TUBAL3: variants seen among roughly 807,000 people sequenced by gnomAD.
The protein encoded by TUBAL3 is tubulin alpha like 3.
Under a neutral mutation model 15.5 loss-of-function variants are expected in TUBAL3, and 16 were observed. The observed-to-expected ratio is 1.04, with a 90% CI of 0.70 to 1.57. The LOEUF (loss-of-function observed/expected upper bound fraction) is 1.57. TUBAL3 is among the 40% of genes most tolerant of loss of function. The pLI is 0.00. For missense variants in TUBAL3, 609 were observed against 576.2 expected (o/e 1.06, Z -0.58); for synonymous variants, 238 against 224.3 (o/e 1.06, Z -0.55).
In TUBAL3 at chr10:5,395,331, T is replaced by G. The variant is rs782191639; in HGVS notation, c.392A>C (p.Lys131Thr). ...AGGAGAGGGGGAGCCACTTGCCAGC[T>G]TCCGGGTCCTCTCCAGCACAAGGTC... ...VIDLVLERTR[K>T]LAEQCGGLQG... Residue 131 changes from lysine (K) to threonine (T), a missense_variant, in exon 3 of 4, where the codon AAG becomes ACG. Lys to Thr is a moderately conservative substitution (Grantham distance 78). Coordinates refer to ENST00000380419, the MANE Select transcript of TUBAL3 (RefSeq NM_024803.3). The surrounding 1 kb of genome is among the most constrained non-coding windows in gnomAD (Gnocchi z 4.6). The G allele has an allele frequency of 1.9e-6, 3 of 1,548,062 alleles. No homozygotes were observed. In the South Asian group the frequency reaches 3.6e-5, roughly 19 times the overall value.
chr10:5,395,439 T>A lies in TUBAL3; in HGVS notation c.284A>T (p.His95Leu). Residue 95 changes from histidine to leucine, a missense_variant, in exon 3 of 4, where the codon CAC becomes CTC. His to Leu is a moderately conservative substitution (Grantham distance 99). Coordinates refer to ENST00000380419, the MANE Select transcript of TUBAL3 (RefSeq NM_024803.3). The surrounding 1 kb of genome is among the most constrained non-coding windows in gnomAD (Gnocchi z 4.6). ...CTTTCCGCTAAGGAGCTGCTCGGGGTGGAAGAGTGAACGGTGCTGGCCCGT... is the reference window on the plus strand; with the variant it reads ...CTTTCCGCTAAGGAGCTGCTCGGGGAGGAAGAGTGAACGGTGCTGGCCCGT... ...IRTGQHRSLF[H>L]PEQLLSGKED... 6.3e-7 allele frequency: 1 copy of A among 1,599,344 alleles called. No individual in the cohort carries two copies. The highest frequency in any genetic ancestry group is 8.5e-7 in the Non-Finnish European group (1 of 1,171,114).
chr10:5,395,283 T>C lies in TUBAL3; in HGVS notation c.396+44A>G. The C allele has an allele frequency of 7.0e-7, 1 of 1,421,250 alleles. No individual in the cohort carries two copies. The highest frequency in any genetic ancestry group is 2.6e-5 in the Admixed American group (1 of 39,156). The allele number at this position is 1,421,250 out of a possible 1,614,324, so 88.0% of individuals were successfully genotyped here. ...GTGAGTTCTGCCGCAGGACCCCACA[T>C]GCCCCAGGCACAGCCCACTCGGAGG... On this transcript the variant is annotated intron_variant, in intron 3 of 3. Transcript: ENST00000380419. This position sits in a 1 kb window ranked among gnomAD's most constrained non-coding sequence, Gnocchi z 4.6.
In TUBAL3 at chr10:5,394,044, T is replaced by C. The variant is rs1398135188; in HGVS notation, c.814A>G (p.Ile272Val). Residue 272 changes from isoleucine to valine, a missense_variant, in exon 4 of 4, where the codon ATA (isoleucine) becomes GTA (valine). Transcript: ENST00000380419. The surrounding 1 kb of genome is among the most constrained non-coding windows in gnomAD (Gnocchi z 4.3). ...FQTNLVPYPR[I>V]HFPMTAFAPI... Reference sequence around the variant, plus strand: ...GCGAAGGCTGTCATGGGGAAATGTATTCTCGGATAAGGTACCAGGTTGGTC... The same window carrying C: ...GCGAAGGCTGTCATGGGGAAATGTACTCTCGGATAAGGTACCAGGTTGGTC... 6.2e-7 allele frequency: 1 copy of C among 1,614,050 alleles called. No homozygotes were observed. Among genetic ancestry groups the C allele is most frequent in the Non-Finnish European group, 8.5e-7 (1 of 1,180,030 alleles).
At position 5,395,333 on chromosome 10, in the gene TUBAL3, C is replaced by T. The variant is rs781961200; in HGVS notation, c.390G>A (p.Arg130=). The change falls in exon 3 of 4, where the codon CGG becomes CGA. Residue 130 remains arginine (R), a synonymous_variant. Transcript: ENST00000380419. This position sits in a 1 kb window ranked among gnomAD's most constrained non-coding sequence, Gnocchi z 4.6. ...EVIDLVLERT[R]KLAEQCGGLQ... is the part of the protein sequence containing the mutation. The stretch of plus-strand genomic sequence containing the variant: ...GAGAGGGGGAGCCACTTGCCAGCTT[C>T]CGGGTCCTCTCCAGCACAAGGTCGA... 15 of 1,552,676 alleles carry T rather than the reference C, an allele frequency of 9.7e-6. No homozygotes were observed. Among genetic ancestry groups the T allele is most frequent in the Middle Eastern group, 1.7e-4 (1 of 5,836 alleles).
At position 5,394,021 on chromosome 10, in the gene TUBAL3, G is replaced by A. The variant is rs782698202; in HGVS notation, c.837C>T (p.Phe279=). 40 of 1,614,048 alleles carry A rather than the reference G, an allele frequency of 2.5e-5. No individual in the cohort carries two copies. The highest frequency in any genetic ancestry group is 1.6e-4 in the Middle Eastern group (1 of 6,084). The change falls in exon 4 of 4, where the codon TTC becomes TTT. Residue 279 remains phenylalanine, a synonymous_variant. Transcript: ENST00000380419. This position sits in a 1 kb window ranked among gnomAD's most constrained non-coding sequence, Gnocchi z 4.3. ...YPRIHFPMTA[F]APIVSADKAY... is the part of the protein sequence containing the mutation. ...CTTTGTCAGCAGAGACGATGGGGGC[G>A]AAGGCTGTCATGGGGAAATGTATTC...
chr10:5,395,592 T>G lies in TUBAL3; in HGVS notation c.248-117A>C. On this transcript the variant is annotated intron_variant, in intron 2 of 3. Coordinates refer to ENST00000380419, the MANE Select transcript of TUBAL3 (RefSeq NM_024803.3). The surrounding 1 kb of genome is among the most constrained non-coding windows in gnomAD (Gnocchi z 4.6). ...ACTCCCATGCTTTCTCTCAATATTG[T>G]GGTCCAGGAATGGAATTTAGATAGT... 8.7e-7 allele frequency: 1 copy of G among 1,154,478 alleles called. No individual in the cohort carries two copies. The highest frequency in any genetic ancestry group is 1.2e-6 in the Non-Finnish European group (1 of 866,966). The allele number at this position is 1,154,478 out of a possible 1,614,324, so 71.5% of individuals were successfully genotyped here. A position where few individuals can be genotyped will look rare whatever the true frequency, so the allele number is the denominator to read the frequency against.
rs139203439 is a variant in TUBAL3, at chr10:5,396,542, T to C, written c.248-1067A>G. On this transcript the variant is annotated intron_variant, in intron 2 of 3. Coordinates refer to ENST00000380419, the MANE Select transcript of TUBAL3 (RefSeq NM_024803.3). This position sits in a 1 kb window ranked among gnomAD's most constrained non-coding sequence, Gnocchi z 5.1. Reference sequence around the variant, plus strand: ...ATAAAATAAAATGAATTTTAAAAAATAAAGGAATATCCATCTTTTAAATCT... The same window carrying C: ...ATAAAATAAAATGAATTTTAAAAAACAAAGGAATATCCATCTTTTAAATCT... 1.2e-3 allele frequency among the ~76,000 whole-genome samples: 186 copies of C among 152,148 alleles called. No individual in the cohort carries two copies. The highest frequency in any genetic ancestry group is 2.2e-3 in the Non-Finnish European group (152 of 67,980).
Position 5,393,895 on chromosome 10 carries a change from G to T in TUBAL3, c.963C>A (p.Ala321=). 3 of 1,614,232 alleles carry T rather than the reference G, an allele frequency of 1.9e-6. No homozygotes were observed. Among genetic ancestry groups the T allele is most frequent in the Non-Finnish European group, 2.5e-6 (3 of 1,180,050 alleles). Residue 321 remains alanine (A), a synonymous_variant, in exon 4 of 4, where the codon GCC becomes GCA. Transcript: ENST00000380419. ...KCDPRLGKYM[A]CCLLYRGDVV... is the part of the protein sequence containing the mutation. The stretch of plus-strand genomic sequence containing the variant: ...CATCCCCTCTATAGAGTAGGCAGCA[G>T]GCCATGTACTTCCCAAGCCGAGGAT...
chr10:5,400,757 A>T, intron 2 of TUBAL3, 87 bp downstream of exon 2: 1 of 1,510,916 alleles, frequency 6.6e-7, no homozygotes, highest in South Asian at 1.2e-5. Context: ...CCATTCAGAT[A>T]GACCTGTATA....
intron 2 of TUBAL3, 148 bp downstream of exon 2, chr10:5,400,696 C>G: frequency 7.1e-6 from 6 of 849,644 alleles, no homozygotes; most frequent in Non-Finnish European, 1.1e-5. Context: ...TCATGTTAAT[C>G]ACCCATGGCC....
In TUBAL3 at chr10:5,394,587, T is replaced by G; in HGVS notation, c.397-126A>C. On this transcript the variant is annotated intron_variant, in intron 3 of 3. Coordinates refer to ENST00000380419, the MANE Select transcript of TUBAL3 (RefSeq NM_024803.3). The surrounding 1 kb of genome is among the most constrained non-coding windows in gnomAD (Gnocchi z 4.3). ...TCTTTCAGAAAGGACTCCTTTGCCT[T>G]TGTTAACTCCACAACAAACATAGCT... is the stretch of plus-strand genomic sequence containing the variant. 1 of 800,442 alleles carries G rather than the reference T, an allele frequency of 1.2e-6. No homozygotes were observed. Among genetic ancestry groups the G allele is most frequent in the East Asian group, 2.7e-5 (1 of 37,674 alleles). The allele number at this position is 800,442 out of a possible 1,614,324, so 49.6% of individuals were successfully genotyped here. A position where few individuals can be genotyped will look rare whatever the true frequency, so the allele number is the denominator to read the frequency against.
In TUBAL3 at chr10:5,397,574, G is replaced by T. The variant is rs1008373380; in HGVS notation, c.248-2099C>A. 1.3e-5 allele frequency among the ~76,000 whole-genome samples: 2 copies of T among 152,114 alleles called. No homozygotes were observed. The highest frequency in any genetic ancestry group is 4.8e-5 in the African/African-American group (2 of 41,416). ...GGGCATAGTGGTTGCAGCACCTGCC[G>T]TTCATAAGTAATCCATGCCATCCAC... On this transcript the variant is annotated intron_variant, in intron 2 of 3. Coordinates refer to ENST00000380419, the MANE Select transcript of TUBAL3 (RefSeq NM_024803.3). The surrounding 1 kb of genome is among the most constrained non-coding windows in gnomAD (Gnocchi z 4.9).
At chr10:5,401,770 T>A (rs193139691) in intron 1 of TUBAL3, among the ~76,000 whole-genome samples, 1 of 151,634 alleles carries the variant, frequency 6.6e-6, no homozygotes, top group East Asian at 1.9e-4. Context: ...ACTTAAGACA[T>A]CCACTAGCTA....
In TUBAL3 at chr10:5,395,282, A is replaced by G. The variant is rs202129281; in HGVS notation, c.396+45T>C. 1.4e-4 allele frequency: 203 copies of G among 1,421,312 alleles called. 1 individual carries two copies. In the East Asian group the frequency reaches 5.2e-3, roughly 36 times the overall value. 88.0% of individuals were successfully genotyped at this position (1,421,312 alleles called of 1,614,324 possible). On this transcript the variant is annotated intron_variant, in intron 3 of 3. Coordinates refer to ENST00000380419, the MANE Select transcript of TUBAL3 (RefSeq NM_024803.3). The surrounding 1 kb of genome is among the most constrained non-coding windows in gnomAD (Gnocchi z 4.6). ...TGTGAGTTCTGCCGCAGGACCCCAC[A>G]TGCCCCAGGCACAGCCCACTCGGAG...
At chr10:5,404,510 G>T (rs1018180737) in intron 1 of TUBAL3, among the ~76,000 whole-genome samples, 15 of 152,130 alleles carry the variant, frequency 9.9e-5, no homozygotes, top group Non-Finnish European at 1.8e-4. Context: ...GAAAACTAAA[G>T]GAAGGAAAGG....
At chr10:5,398,106 G>A (rs1202576059) in intron 2 of TUBAL3, among the ~76,000 whole-genome samples, 1 of 152,116 alleles carries the variant, frequency 6.6e-6, no homozygotes, top group Non-Finnish European at 1.5e-5. Context: ...GGGCAATATA[G>A]TGAGACCCTA....
chr10:5,401,194 C>G (rs1831846536), intron 1 of TUBAL3, 107 bp from the exon 2 acceptor site: 2 of 1,371,690 alleles, frequency 1.5e-6, no homozygotes, highest in Admixed American at 3.9e-5. Flanking sequence ...TAGCTTAAGG[C>G]CACGGAGGAA....
At chr10:5,401,919 G>C (rs1479829110) in intron 1 of TUBAL3, among the ~76,000 whole-genome samples, 1 of 151,952 alleles carries the variant, frequency 6.6e-6, no homozygotes, top group African/African-American at 2.4e-5. Flanking sequence ...TTTATATATT[G>C]TTGAGCATTT....
intron 2 of TUBAL3, 76 bp downstream of exon 2, chr10:5,400,768 A>G (rs1214329492): frequency 2.5e-6 from 4 of 1,570,304 alleles, no homozygotes; most frequent in Non-Finnish European, 3.5e-6. Context: ...GACCTGTATA[A>G]TCTGCTAATC....
Sources: allele counts gnomAD v4.1 joint callset (sites outside exome capture counted in the v4.1 genomes callset), GRCh38; gene constraint gnomAD v4.1.1; non-coding constraint Gnocchi (gnomAD v3.1); transcripts MANE v1.5; gene names NCBI Gene and HGNC (gene_info 2026-07-23, HGNC 2026-07-21).